Variants in WLS observed in about 807,000 individuals in gnomAD.
WLS encodes the protein Wnt ligand secretion mediator.
Under a neutral mutation model 62.8 loss-of-function variants are expected in WLS, and 23 were observed. The observed-to-expected ratio is 0.37, with a 90% CI of 0.26 to 0.52. The LOEUF is 0.52. Ranked by LOEUF, WLS falls within the 20% of genes least tolerant of loss-of-function variation. The pLI is 0.92. For missense variants in WLS, 615 were observed against 697.3 expected (o/e 0.88, Z 1.33); for synonymous variants, 246 against 244.1 (o/e 1.01, Z -0.07).
At chr1:68,147,940 C>T (rs1646773650) in intron 8 of WLS, among the ~76,000 whole-genome samples, 196 bp downstream of exon 8, 1 of 152,196 alleles carries the variant, frequency 6.6e-6, no homozygotes, top group Admixed American at 6.5e-5. Flanking sequence ...TCTCATTTTG[C>T]CTGCTCTCAC....
rs1364758747 is a variant in WLS at position 68,172,308 on chromosome 1, AATT to A, written c.380-13064_380-13062del. Among the ~76,000 whole-genome samples, 659 of 104,736 alleles carry A rather than the reference AATT, an allele frequency of 6.3e-3. 4 individuals carry two copies. Among genetic ancestry groups the A allele is most frequent in the African/African-American group, 0.025 (638 of 25,334 alleles). The allele number at this position is 104,736 out of a possible 152,430, so 68.7% of individuals were successfully genotyped here. On this transcript the variant is annotated intron_variant, in intron 2 of 11. Transcript: ENST00000262348. ...ACATGTATCCCAGAACTTAAAGTAT[AATT>A]AAAAAAAAAAAATACTCAGAGAAGT... is the stretch of plus-strand genomic sequence containing the variant.
At chr1:68,213,815 T>C (rs1012947592) in intron 1 of WLS, among the ~76,000 whole-genome samples, 1 of 152,204 alleles carries the variant, frequency 6.6e-6, no homozygotes, top group African/African-American at 2.4e-5. Flanking sequence ...ATGTGTTTAC[T>C]CCTTCTGTAG....
At chr1:68,206,636 T>G (rs1649293432) in intron 1 of WLS, among the ~76,000 whole-genome samples, 1 of 152,228 alleles carries the variant, frequency 6.6e-6, no homozygotes, top group African/African-American at 2.4e-5. Context: ...ACTACAAATT[T>G]GAGCATAAGA....
intron 2 of WLS, among the ~76,000 whole-genome samples, chr1:68,160,653 C>T (rs780076430): frequency 2.7e-4 from 41 of 152,130 alleles, no homozygotes; most frequent in Non-Finnish European, 5.3e-4. Context: ...TAAACAAATA[C>T]AGTAACAGTA....
chr1:68,144,449 C>T (rs1438121051), intron 10 of WLS, 120 bp downstream of exon 10: 11 of 888,246 alleles, frequency 1.2e-5, no homozygotes, highest in Admixed American at 9.9e-5. Context: ...TATGGCTTGA[C>T]CAGCTGTCCA....
At chr1:68,222,352 C>A (rs933004798) in intron 1 of WLS, among the ~76,000 whole-genome samples, 2 of 152,114 alleles carry the variant, frequency 1.3e-5, no homozygotes, top group Admixed American at 1.3e-4. Context: ...ATCCACATAG[C>A]ATAGCATAAC....
At chr1:68,159,655 G>A (rs753532742) in intron 2 of WLS, among the ~76,000 whole-genome samples, 5 of 152,130 alleles carry the variant, frequency 3.3e-5, no homozygotes, top group Non-Finnish European at 7.4e-5. Flanking sequence ...ACATCTGCCT[G>A]CATTCTCTTT....
At chr1:68,185,594 C>T (rs1163986696) in intron 2 of WLS, among the ~76,000 whole-genome samples, 1 of 152,170 alleles carries the variant, frequency 6.6e-6, no homozygotes, top group Non-Finnish European at 1.5e-5. Flanking sequence ...GGGATCTAGG[C>T]TGCATGCTCC....
At chr1:68,206,047 C>T (rs550612288) in intron 1 of WLS, among the ~76,000 whole-genome samples, 41 of 152,142 alleles carry the variant, frequency 2.7e-4, no homozygotes, top group African/African-American at 7.0e-4. Flanking sequence ...GAGGAAAGAG[C>T]GATGTAGGAT....
rs145315854 is a variant in WLS at position 68,119,458 on chromosome 1, G to A, written c.1510+18322C>T. On this transcript the variant is annotated intron_variant, in intron 11 of 11. Transcript: ENST00000354777. Reference sequence around the variant, plus strand: ...AAACAATGTAGCAGAGGCCATGGGTGCCTCACCCATATTCCTCAAGCTGGC... The same window carrying A: ...AAACAATGTAGCAGAGGCCATGGGTACCTCACCCATATTCCTCAAGCTGGC... Among the ~76,000 whole-genome samples the A allele has an allele frequency of 3.4e-3, 513 of 152,304 alleles. 5 individuals are homozygous for A. Among genetic ancestry groups the A allele is most frequent in the African/African-American group, 0.012 (494 of 41,554 alleles).
intron 3 of WLS, among the ~76,000 whole-genome samples, chr1:68,155,579 T>C (rs1363777795): frequency 1.3e-5 from 2 of 152,196 alleles, no homozygotes; most frequent in Non-Finnish European, 2.9e-5. Flanking sequence ...GAACCTCGCA[T>C]CTTACGAATC....
intron 11 of WLS, among the ~76,000 whole-genome samples, chr1:68,130,046 A>G (rs1646495758): frequency 6.6e-6 from 1 of 152,218 alleles, no homozygotes; most frequent in African/African-American, 2.4e-5. Context: ...CAATGCATCC[A>G]TATGTGTGGA....
intron 11 of WLS, among the ~76,000 whole-genome samples, chr1:68,112,671 A>G (rs146582182): frequency 2.0e-5 from 3 of 152,312 alleles, no homozygotes; most frequent in African/African-American, 7.2e-5. Context: ...AATTGCCCCC[A>G]ATCAGGAGTT....
intron 11 of WLS, among the ~76,000 whole-genome samples, chr1:68,132,912 G>A (rs977360119): frequency 2.6e-5 from 4 of 152,136 alleles, no homozygotes; most frequent in African/African-American, 4.8e-5. Flanking sequence ...CTGGAGCCCC[G>A]GGAGGTGGTA....
chr1:68,154,627 T>C (rs1204965338), intron 4 of WLS, among the ~76,000 whole-genome samples: 3 of 152,188 alleles, frequency 2.0e-5, no homozygotes, highest in African/African-American at 7.2e-5. Flanking sequence ...GTAATTATTA[T>C]GCTTTTCTGT....
At chr1:68,110,731 T>G (rs1327783154) in intron 11 of WLS, among the ~76,000 whole-genome samples, 1 of 94,468 alleles carries the variant, frequency 1.1e-5, no homozygotes, top group Non-Finnish European at 2.2e-5. Context: ...ATATATATGT[T>G]TGTATATATA....
At chr1:68,162,905 C>A (rs377324106) in intron 2 of WLS, 4 of 1,563,758 alleles carry the variant, frequency 2.6e-6, no homozygotes, top group Non-Finnish European at 3.5e-6. Context: ...GCGTGGACTG[C>A]GCGTCACAGA....
At chr1:68,118,156 G>A (rs751894459) in intron 11 of WLS, among the ~76,000 whole-genome samples, 7 of 152,094 alleles carry the variant, frequency 4.6e-5, no homozygotes, top group Non-Finnish European at 8.8e-5. Flanking sequence ...AGTGACAAAT[G>A]GAGAAAAGTT....
At chr1:68,193,731 A>C in intron 2 of WLS, 1 of 548,156 alleles carries the variant, frequency 1.8e-6, no homozygotes, top group South Asian at 2.2e-5. Context: ...CTGGTGCCCA[A>C]GTGTTCCATC....
Sources: allele counts gnomAD v4.1 joint callset (sites outside exome capture counted in the v4.1 genomes callset), GRCh38; gene constraint gnomAD v4.1.1; transcripts MANE v1.5; gene names NCBI Gene and HGNC (gene_info 2026-07-23, HGNC 2026-07-21).